The following MSRB3 variants were observed in gnomAD, a reference collection of about 807,000 sequenced individuals.
The protein encoded by MSRB3 is methionine-R-sulfoxide reductase B3.
In MSRB3, 13 loss-of-function variants were observed where a neutral mutation model predicts 21.0. The observed-to-expected ratio is 0.62, with a 90% CI of 0.40 to 0.98. The LOEUF (loss-of-function observed/expected upper bound fraction) is 0.98, where lower values mean the gene tolerates loss of function less well. Among genes scored for constraint, MSRB3 ranks in the 50% least tolerant of loss-of-function variants. The probability of loss-of-function intolerance (pLI) is 0.00; values close to 1 mark genes in which losing one functional copy is unlikely to be tolerated. For synonymous variants in MSRB3, 87 were observed against 88.6 expected (o/e 0.98, Z 0.10); for missense variants, 199 against 230.3 (o/e 0.86, Z 0.88).
At chr12:65,344,968 G>T (rs1876393033) in intron 4 of MSRB3, among the ~76,000 whole-genome samples, 1 of 151,978 alleles carries the variant, frequency 6.6e-6, no homozygotes. Flanking sequence ...TCTTATGCTT[G>T]GTTCCCATGA....
rs1466503147 is a variant in MSRB3, at chr12:65,466,066, T to C, written c.*2744T>C. The C allele has an allele frequency of 6.6e-6, 1 of 152,080 alleles. No individual in the cohort carries two copies. Among genetic ancestry groups the C allele is most frequent in the Non-Finnish European group, 1.5e-5 (1 of 68,008 alleles). The allele number at this position is 152,080 out of a possible 1,614,324, so 9.4% of individuals were successfully genotyped here. On this transcript the variant is annotated 3_prime_UTR_variant, in exon 7 of 7. Coordinates refer to ENST00000308259, the MANE Select transcript of MSRB3 (RefSeq NM_001031679.3). ...CTCTTCCCTCTCCACAGAGACTGGA[T>C]TGTCATTGTTCCTTCATTTATATCG...
intron 5 of MSRB3, among the ~76,000 whole-genome samples, chr12:65,408,759 C>G (rs1173406812): frequency 6.6e-6 from 1 of 152,068 alleles, no homozygotes; most frequent in African/African-American, 2.4e-5. Flanking sequence ...TTTCCCTTCC[C>G]CAACAGAGAA....
chr12:65,350,994 A>G (rs1876941831), intron 4 of MSRB3, among the ~76,000 whole-genome samples: 1 of 150,482 alleles, frequency 6.6e-6, no homozygotes, highest in Non-Finnish European at 1.5e-5. Context: ...TCCACCCCAA[A>G]TCAACAGAAT....
intron 4 of MSRB3, among the ~76,000 whole-genome samples, chr12:65,332,740 T>C (rs545141904): frequency 1.3e-5 from 2 of 152,208 alleles, no homozygotes; most frequent in Non-Finnish European, 2.9e-5. Flanking sequence ...CCTCATCATT[T>C]ACTTGACTGC....
intron 5 of MSRB3, among the ~76,000 whole-genome samples, chr12:65,424,243 T>A (rs1023095865): frequency 2.0e-5 from 3 of 151,988 alleles, no homozygotes; most frequent in African/African-American, 7.2e-5. Context: ...GGTTTGTTGA[T>A]CTTGTTTTAC....
At chr12:65,360,721 T>C (rs543789776) in intron 4 of MSRB3, among the ~76,000 whole-genome samples, 1 of 152,250 alleles carries the variant, frequency 6.6e-6, no homozygotes, top group Admixed American at 6.5e-5. Flanking sequence ...TTAATTTCAC[T>C]AATGAGAAGA....
chr12:65,414,163 TG>T (rs897727925), intron 5 of MSRB3, among the ~76,000 whole-genome samples: 3 of 152,126 alleles, frequency 2.0e-5, no homozygotes, highest in African/African-American at 7.2e-5. Context: ...AGGAGTGACA[TG>T]GTATGACTTC....
chr12:65,374,730 A>G (rs992653348), intron 5 of MSRB3, among the ~76,000 whole-genome samples: 2 of 152,188 alleles, frequency 1.3e-5, no homozygotes, highest in Non-Finnish European at 2.9e-5. Context: ...ATCAACTTAG[A>G]TGAGAACACA....
At chr12:65,408,556 G>A (rs138127579) in intron 5 of MSRB3, among the ~76,000 whole-genome samples, 2 of 152,182 alleles carry the variant, frequency 1.3e-5, no homozygotes, top group African/African-American at 2.4e-5. Context: ...TAGTTCTTTC[G>A]GTTGTAATCT....
At chr12:65,388,573 T>C (rs371485079) in intron 5 of MSRB3, among the ~76,000 whole-genome samples, 19 of 152,302 alleles carry the variant, frequency 1.2e-4, no homozygotes, top group African/African-American at 3.6e-4. Flanking sequence ...TCCAGGCACT[T>C]TTATAAAAGA....
At chr12:65,331,982 G>A (rs545743883) in intron 4 of MSRB3, among the ~76,000 whole-genome samples, 1 of 152,354 alleles carries the variant, frequency 6.6e-6, no homozygotes, top group African/African-American at 2.4e-5. Context: ...AAAGGAAAGG[G>A]CTTTTGCTCC....
chr12:65,433,917 G>A (rs1882000566), intron 5 of MSRB3, among the ~76,000 whole-genome samples: 1 of 151,744 alleles, frequency 6.6e-6, no homozygotes, highest in South Asian at 2.1e-4. Context: ...CACCTGATCT[G>A]CAGGGAGTAC....
At chr12:65,312,148 C>G (rs1474397880) in intron 2 of MSRB3, among the ~76,000 whole-genome samples, 2 of 152,046 alleles carry the variant, frequency 1.3e-5, no homozygotes, top group Non-Finnish European at 2.9e-5. Context: ...ATCACAGTCT[C>G]TTCATCTTTA....
At chr12:65,349,183 T>C (rs1592550379) in intron 4 of MSRB3, among the ~76,000 whole-genome samples, 1 of 152,084 alleles carries the variant, frequency 6.6e-6, no homozygotes, top group African/African-American at 2.4e-5. Flanking sequence ...CTTGCGATAG[T>C]TTACTGAGAA....
At chr12:65,286,283 A>G (rs1362543256) in intron 1 of MSRB3, 1 of 152,162 alleles carries the variant, frequency 6.6e-6, no homozygotes, top group Non-Finnish European at 1.5e-5. Flanking sequence ...CTTCTATTTG[A>G]AAATTTGAGC....
intron 4 of MSRB3, among the ~76,000 whole-genome samples, chr12:65,364,114 C>G (rs1877867825): frequency 6.6e-6 from 1 of 152,094 alleles, no homozygotes; most frequent in African/African-American, 2.4e-5. Flanking sequence ...GCTACTTCAG[C>G]TCCTGGAATT....
chr12:65,399,036 A>G (rs1423735523), intron 5 of MSRB3, among the ~76,000 whole-genome samples: 1 of 152,166 alleles, frequency 6.6e-6, no homozygotes, highest in Non-Finnish European at 1.5e-5. Flanking sequence ...GAAGTCAGGT[A>G]GTGTGATGCC....
At chr12:65,376,118 A>AT (rs58214332) in intron 5 of MSRB3, among the ~76,000 whole-genome samples, 74,138 of 131,894 alleles carry the variant, frequency 0.56, 21,815 homozygotes, top group South Asian at 0.69. Context: ...TGAGTTTGTA[A>AT]TTTTTTTTTT....
At chr12:65,279,107 G>A in intron 1 of MSRB3, 1 of 1,384,992 alleles carries the variant, frequency 7.2e-7, no homozygotes, top group Non-Finnish European at 9.3e-7. Flanking sequence ...CCGAAGGGAG[G>A]CGTCTGGCAG....
Sources: gnomAD v4.1 joint callset for allele counts (sites outside exome capture counted in the v4.1 genomes callset) on GRCh38, gnomAD v4.1.1 for gene constraint, MANE v1.5 for transcripts, NCBI Gene and HGNC (gene_info 2026-07-23, HGNC 2026-07-21) for gene names.